The following KIF16B variants were observed in gnomAD, a reference collection of about 807,000 sequenced individuals.
KIF16B encodes kinesin-like protein KIF16B.
A neutral mutation model predicts 156.3 loss-of-function variants in KIF16B; 98 were observed. That is an observed-to-expected ratio of 0.63 (90% CI 0.53 to 0.74). The LOEUF is 0.74. Ranked by LOEUF, KIF16B falls within the 30% of genes least tolerant of loss-of-function variation. The pLI is 0.00. For synonymous variants in KIF16B, 564 were observed against 583.7 expected, an observed-to-expected ratio of 0.97 and a Z score of 0.49; for missense variants, 1,421 against 1,606.5, an observed-to-expected ratio of 0.88 and a Z score of 1.97.
intron 1 of KIF16B, among the ~76,000 whole-genome samples, chr20:16,569,396 T>A (rs1020176627): frequency 6.6e-6 from 1 of 152,176 alleles, no homozygotes; most frequent in African/African-American, 2.4e-5. Context: ...CAAGTCTCAA[T>A]AAAGGTGGCT....
chr20:16,355,996 TG>T (rs2064433809), intron 23 of KIF16B, among the ~76,000 whole-genome samples: 1 of 152,222 alleles, frequency 6.6e-6, no homozygotes, highest in East Asian at 1.9e-4. Context: ...TGTCCTGGTT[TG>T]CTCAGGACTG....
rs1423004376 is a variant in KIF16B at position 16,506,150 on chromosome 20, T to C, written c.740A>G (p.Lys247Arg). The C allele has an allele frequency of 2.5e-6, 4 of 1,614,030 alleles. No homozygotes were observed. Among genetic ancestry groups the C allele is most frequent in the Non-Finnish European group, 3.4e-6 (4 of 1,179,996 alleles). Residue 247 changes from lysine (K) to arginine (R), a missense_variant, in exon 8 of 26, where the codon AAG (lysine) becomes AGG (arginine). By Grantham distance (26) the Lys-to-Arg change is conservative. Coordinates refer to ENST00000354981, the MANE Select transcript of KIF16B (RefSeq NM_024704.5). ...DSEMPCETVS[K>R]IHLVDLAGSE... ...TCCGGCAAGATCAACCAAGTGGATC[T>C]TACTGACGGTTTCACATGGCATTTC...
chr20:16,328,179 TG>T (rs774281447), intron 24 of KIF16B, among the ~76,000 whole-genome samples: 2 of 152,208 alleles, frequency 1.3e-5, no homozygotes, highest in African/African-American at 2.4e-5. Context: ...TAGTATTTAC[TG>T]GGTACCCAGA....
intron 24 of KIF16B, among the ~76,000 whole-genome samples, chr20:16,326,572 C>T (rs531746422): frequency 6.6e-6 from 1 of 152,078 alleles, no homozygotes; most frequent in Admixed American, 6.6e-5. Flanking sequence ...TGAAAAAATG[C>T]TCAACATCAC....
chr20:16,521,736 G>T (rs565251338), intron 3 of KIF16B, among the ~76,000 whole-genome samples: 1 of 152,270 alleles, frequency 6.6e-6, no homozygotes, highest in Non-Finnish European at 1.5e-5. Context: ...CACCAAGGTG[G>T]AAATGAAGGA....
chr20:16,361,279 G>A (rs943104047), intron 22 of KIF16B, among the ~76,000 whole-genome samples: 10 of 152,256 alleles, frequency 6.6e-5, no homozygotes, highest in African/African-American at 1.9e-4. Flanking sequence ...GGAAAGAGAC[G>A]ACGAAGATTT....
At position 16,379,910 on chromosome 20, in the gene KIF16B, C is replaced by G; in HGVS notation, c.2092G>C (p.Glu698Gln). Residue 698 changes from glutamate to glutamine, a missense_variant, in exon 19 of 26, where the codon GAA (glutamate) becomes CAA (glutamine). By Grantham distance (29) the Glu-to-Gln change is conservative. Coordinates refer to ENST00000354981, the MANE Select transcript of KIF16B (RefSeq NM_024704.5). ...TGGACGCGGAGAAAGGTCTCTTCTT[C>G]TTGTCTCTTCTTCTGCAGCTCGATT... ...QEIELQKKRQEEETFLRVQEE... is the reference protein window; with the variant it reads ...QEIELQKKRQQEETFLRVQEE... 5.0e-6 allele frequency: 8 copies of G among 1,614,180 alleles called. 1 individual carries two copies. The highest frequency in any genetic ancestry group is 5.9e-6 in the Non-Finnish European group (7 of 1,180,028).
At chr20:16,423,183 CTT>C (rs1435482941) in intron 15 of KIF16B, among the ~76,000 whole-genome samples, 1 of 151,914 alleles carries the variant, frequency 6.6e-6, no homozygotes, top group Non-Finnish European at 1.5e-5. Context: ...TGGAGCTACA[CTT>C]TATAAACCAA....
intron 12 of KIF16B, among the ~76,000 whole-genome samples, chr20:16,483,057 T>G (rs1364583173): frequency 6.6e-6 from 1 of 152,178 alleles, no homozygotes; most frequent in East Asian, 1.9e-4. Flanking sequence ...AATGCACCAT[T>G]CAATGGAGAG....
chr20:16,430,182 T>C (rs887657302), intron 12 of KIF16B, among the ~76,000 whole-genome samples, 200 bp from the exon 13 acceptor site: 5 of 152,152 alleles, frequency 3.3e-5, no homozygotes, highest in African/African-American at 1.2e-4. Flanking sequence ...AAGCGAAATA[T>C]AAAACGAATT....
At chr20:16,338,426 G>C (rs372679212) in intron 23 of KIF16B, among the ~76,000 whole-genome samples, 2 of 152,254 alleles carry the variant, frequency 1.3e-5, no homozygotes, top group East Asian at 3.9e-4. Flanking sequence ...TGAAGGTTTA[G>C]AGTCTACTCA....
At chr20:16,350,015 G>A (rs746354035) in intron 23 of KIF16B, among the ~76,000 whole-genome samples, 11 of 152,228 alleles carry the variant, frequency 7.2e-5, no homozygotes, top group African/African-American at 2.4e-4. Flanking sequence ...ATACATCCTC[G>A]TTATCATTCA....
At chr20:16,459,653 C>A (rs1187479061) in intron 12 of KIF16B, among the ~76,000 whole-genome samples, 1 of 152,168 alleles carries the variant, frequency 6.6e-6, no homozygotes, top group Non-Finnish European at 1.5e-5. Flanking sequence ...TTAAATTATT[C>A]TACTTTAAAA....
chr20:16,468,981 A>T (rs1193373977), intron 12 of KIF16B, among the ~76,000 whole-genome samples: 6 of 152,180 alleles, frequency 3.9e-5, no homozygotes, highest in African/African-American at 1.2e-4. Flanking sequence ...ACATGGGCAC[A>T]GTGGTTCATA....
intron 12 of KIF16B, among the ~76,000 whole-genome samples, chr20:16,435,933 G>C: frequency 6.6e-6 from 1 of 151,396 alleles, no homozygotes; most frequent in East Asian, 1.9e-4. Context: ...TTTGTTTATT[G>C]AATTCATGTT....
Position 16,501,670 on chromosome 20 carries a change from A to C in KIF16B, c.1176+2702T>G, listed in dbSNP as rs1308710566. On this transcript the variant is annotated intron_variant, in intron 10 of 25. Transcript: ENST00000354981. ...TGGAAGACAACTTTGCAGTGAGGAT[A>C]AATGGATCCACTACTACATGCAACA... is the stretch of plus-strand genomic sequence containing the variant. Among the ~76,000 whole-genome samples the C allele has an allele frequency of 1.3e-5, 2 of 152,216 alleles. 1 individual carries two copies. Among genetic ancestry groups the C allele is most frequent in the Non-Finnish European group, 2.9e-5 (2 of 68,034 alleles).
intron 12 of KIF16B, among the ~76,000 whole-genome samples, chr20:16,433,339 A>C (rs1256751799): frequency 4.6e-5 from 7 of 152,244 alleles, no homozygotes; most frequent in Middle Eastern, 3.4e-3. Context: ...TTCTGTACAG[A>C]AGTAGACAAT....
intron 10 of KIF16B, among the ~76,000 whole-genome samples, chr20:16,500,789 A>C (rs6111162): frequency 0.027 from 4,155 of 152,286 alleles, 180 homozygotes; most frequent in African/African-American, 0.095. Flanking sequence ...CTTCTTTAAA[A>C]GTTTACACAT....
chr20:16,379,320 T>C lies in KIF16B; in HGVS notation c.2682A>G (p.Lys894=). The stretch of plus-strand genomic sequence containing the variant: ...GCAGCCTGTACTCCACTGGCTTTAT[T>C]TTCTCGAAATCTTGAGGCACTTCCG... ...DVTEVPQDFE[K]IKPVEYRLQY... Residue 894 remains lysine (K), a synonymous_variant, in exon 19 of 26, where the codon AAA becomes AAG. Coordinates refer to ENST00000354981, the MANE Select transcript of KIF16B (RefSeq NM_024704.5). 1.2e-6 allele frequency: 2 copies of C among 1,607,266 alleles called. No homozygotes were observed. The highest frequency in any genetic ancestry group is 1.7e-6 in the Non-Finnish European group (2 of 1,177,512).
Sources: gnomAD v4.1 joint callset for allele counts (sites outside exome capture counted in the v4.1 genomes callset) on GRCh38, gnomAD v4.1.1 for gene constraint, MANE v1.5 for transcripts, NCBI Gene and HGNC (gene_info 2026-07-23, HGNC 2026-07-21) for gene names.